MORN1: variants seen among roughly 807,000 people sequenced by gnomAD.
The protein encoded by MORN1 is MORN repeat-containing protein 1.
Under a neutral mutation model 61.9 loss-of-function variants are expected in MORN1, and 67 were observed. That is an observed-to-expected ratio of 1.08 (90% CI 0.89 to 1.33). MORN1 has a LOEUF of 1.33. Ranked by LOEUF, MORN1 falls within the 40% of genes most tolerant of loss-of-function variation. The pLI is 0.00. For synonymous variants in MORN1, 301 were observed against 292.0 expected (o/e 1.03, Z -0.31); for missense variants, 752 against 691.2 (o/e 1.09, Z -0.99).
chr1:2,324,314 G>C (rs1270250311), intron 12 of MORN1, among the ~76,000 whole-genome samples, 171 bp from the exon 13 acceptor site: 1 of 152,194 alleles, frequency 6.6e-6, no homozygotes, highest in Non-Finnish European at 1.5e-5. Flanking sequence ...GAGTCCTCTG[G>C]CAGCCTGCAC....
At chr1:2,378,759 G>C in intron 6 of MORN1, 1 of 365,858 alleles carries the variant, frequency 2.7e-6, no homozygotes, top group Non-Finnish European at 5.3e-6. Context: ...AGGACGTGTG[G>C]GGCCTGCCCA....
At chr1:2,346,029 TCAGA>T (rs1184211595) in intron 10 of MORN1, among the ~76,000 whole-genome samples, 3 of 147,740 alleles carry the variant, frequency 2.0e-5, no homozygotes, top group African/African-American at 7.6e-5. Flanking sequence ...GGAACCTTCC[TCAGA>T]CAAAGCCACC....
chr1:2,331,895 T>C (rs1233460483), intron 12 of MORN1, among the ~76,000 whole-genome samples: 1 of 115,448 alleles, frequency 8.7e-6, no homozygotes, highest in African/African-American at 3.4e-5. Context: ...CCCCTGCGCC[T>C]CTCCCTCGTG....
intron 2 of MORN1, among the ~76,000 whole-genome samples, chr1:2,388,946 T>C: frequency 6.6e-6 from 1 of 151,708 alleles, no homozygotes; most frequent in East Asian, 1.9e-4. Flanking sequence ...ACTGCATCTC[T>C]ACTAAAAATA....
intron 10 of MORN1, among the ~76,000 whole-genome samples, chr1:2,346,959 G>A (rs1641532199): frequency 6.6e-6 from 1 of 152,234 alleles, no homozygotes; most frequent in Non-Finnish European, 1.5e-5. Flanking sequence ...GCCAGGGCTG[G>A]ACTGGTGTGG....
chr1:2,332,625 G>A, intron 12 of MORN1: 1 of 456,530 alleles, frequency 2.2e-6, no homozygotes, highest in Non-Finnish European at 4.4e-6. Flanking sequence ...GGCGCGACGT[G>A]GCGTCTGGAC....
In MORN1 at chr1:2,390,007, A is replaced by T; in HGVS notation, c.77-11T>A. 1 of 1,609,102 alleles carries T rather than the reference A, an allele frequency of 6.2e-7. No homozygotes were observed. Among genetic ancestry groups the T allele is most frequent in the Admixed American group, 1.7e-5 (1 of 60,020 alleles). ...CGTAGACACCATAACCTGAGTATTGAGAAGACACACACAGGTAAGCACAGA... is the reference window on the plus strand; with the variant it reads ...CGTAGACACCATAACCTGAGTATTGTGAAGACACACACAGGTAAGCACAGA... On this transcript the variant is annotated splice_polypyrimidine_tract_variant and intron_variant, in intron 1 of 13. Transcript: ENST00000378531.
intron 12 of MORN1, among the ~76,000 whole-genome samples, chr1:2,333,863 G>A (rs1216607826): frequency 6.6e-6 from 1 of 152,232 alleles, no homozygotes; most frequent in Admixed American, 6.5e-5. Context: ...CCGACTGAGT[G>A]TTGGAGGCCT....
intron 10 of MORN1, among the ~76,000 whole-genome samples, chr1:2,347,325 T>G (rs915872933): frequency 7.2e-5 from 11 of 152,132 alleles, no homozygotes; most frequent in Admixed American, 7.2e-4. Context: ...GAAGGCTCCA[T>G]CCCCAGCTGC....
intron 10 of MORN1, among the ~76,000 whole-genome samples, chr1:2,345,829 C>CCGGCCACACACA (rs1641501215): frequency 6.7e-6 from 1 of 148,988 alleles, no homozygotes; most frequent in South Asian, 2.1e-4. Flanking sequence ...ATGTATGCGG[C>CCGGCCACACACA]CACACACACA....
intron 5 of MORN1, 34 bp from the exon 6 acceptor site, chr1:2,385,099 A>AG (rs1438932258): frequency 6.4e-7 from 1 of 1,558,648 alleles, no homozygotes; most frequent in Non-Finnish European, 8.7e-7. Context: ...CACTCTCAAC[A>AG]GGGGGAGCCG....
chr1:2,385,468 C>A (rs1642472663), intron 5 of MORN1: 1 of 397,070 alleles, frequency 2.5e-6, no homozygotes, highest in Admixed American at 4.1e-5. Context: ...CCGGAGAGCA[C>A]CCCCATCCTC....
chr1:2,322,854 G>C, intron 13 of MORN1: 1 of 985,438 alleles, frequency 1.0e-6, no homozygotes, highest in Non-Finnish European at 1.2e-6. Flanking sequence ...CGTCCCGGCG[G>C]ATGGGAAGGG....
intron 13 of MORN1, 45 bp downstream of exon 13, chr1:2,324,052 A>G (rs1236715303): frequency 6.4e-7 from 1 of 1,556,860 alleles, no homozygotes; most frequent in Non-Finnish European, 8.6e-7. Flanking sequence ...TCGCCTCTCC[A>G]GACAGTGGCA....
Position 2,336,522 on chromosome 1 carries a change from G to A in MORN1, c.1197C>T (p.Gly399=), listed in dbSNP as rs1180747586. 8 of 1,612,582 alleles carry A rather than the reference G, an allele frequency of 5.0e-6. No individual in the cohort carries two copies. The highest frequency in any genetic ancestry group is 6.8e-6 in the Non-Finnish European group (8 of 1,179,768). Residue 399 remains glycine, a synonymous_variant, in exon 12 of 14, where the codon GGC becomes GGT. Transcript: ENST00000378531. The part of the protein sequence containing the change: ...HKKAGGRSRG[G]LHPRGTPPTA... ...TGGGTGGTGTCCCCCTGGGGTGCAG[G>A]CCGCCTCTGGATCTGCCGCCTGCCT...
Position 2,358,607 on chromosome 1 carries a change from AGT to A in MORN1, c.852_853del (p.Leu285HisfsTer134). The A allele has an allele frequency of 6.2e-7, 1 of 1,614,086 alleles. No individual in the cohort carries two copies. Among genetic ancestry groups the A allele is most frequent in the Non-Finnish European group, 8.5e-7 (1 of 1,179,984 alleles). ...ACGTACTCACAATGGGGTCTGGATG[AGT>A]GTCTCTTGGTTGTCTCTGTCCACTT... On this transcript the variant is annotated frameshift_variant, in exon 9 of 14. Coordinates refer to ENST00000378531, the MANE Select transcript of MORN1 (RefSeq NM_024848.3). LOFTEE classifies it high-confidence loss of function.
At chr1:2,339,676 C>T (rs1641352900) in intron 10 of MORN1, among the ~76,000 whole-genome samples, 1 of 152,182 alleles carries the variant, frequency 6.6e-6, no homozygotes, top group South Asian at 2.1e-4. Context: ...GCTGGCACTG[C>T]CCTCAGCTGC....
intron 7 of MORN1, among the ~76,000 whole-genome samples, chr1:2,374,228 G>T (rs1026912333): frequency 1.3e-5 from 2 of 152,226 alleles, no homozygotes; most frequent in Non-Finnish European, 2.9e-5. Context: ...CCATGACGAG[G>T]CCACCCCCAG....
intron 6 of MORN1, among the ~76,000 whole-genome samples, chr1:2,380,569 G>A (rs1024830584): frequency 2.0e-5 from 3 of 152,016 alleles, no homozygotes; most frequent in Non-Finnish European, 4.4e-5. Flanking sequence ...TTTGAGACAG[G>A]GTCTTGCTCT....
Sources: gnomAD v4.1 joint callset for allele counts (sites outside exome capture counted in the v4.1 genomes callset) on GRCh38, gnomAD v4.1.1 for gene constraint, MANE v1.5 for transcripts, NCBI Gene and HGNC (gene_info 2026-07-23, HGNC 2026-07-21) for gene names.